C2orf80: variants seen among roughly 807,000 people sequenced by gnomAD.
The protein encoded by C2orf80 is uncharacterized protein C2orf80.
A neutral mutation model predicts 30.2 loss-of-function variants in C2orf80; 28 were observed. The observed-to-expected ratio is 0.93, with a 90% confidence interval of 0.69 to 1.27. The LOEUF is 1.27. Ranked by LOEUF, C2orf80 falls within the 50% of genes most tolerant of loss-of-function variation. The pLI is 0.00. For missense variants in C2orf80, 220 were observed against 231.0 expected (o/e 0.95, Z 0.31); for synonymous variants, 80 against 76.4 (o/e 1.05, Z -0.24).
At chr2:208,177,655 T>C (rs1430423295) in intron 6 of C2orf80, among the ~76,000 whole-genome samples, 2 of 152,136 alleles carry the variant, frequency 1.3e-5, no homozygotes, top group Admixed American at 1.3e-4. Context: ...CTGGTTATTG[T>C]CACTGATTGT....
chr2:208,169,638 G>A (rs1432803626), intron 8 of C2orf80, among the ~76,000 whole-genome samples: 2 of 150,654 alleles, frequency 1.3e-5, no homozygotes, highest in Non-Finnish European at 2.9e-5. Context: ...GCTTGAACTC[G>A]GGAAGTGGAG....
intron 8 of C2orf80, among the ~76,000 whole-genome samples, chr2:208,170,489 A>G (rs890866980): frequency 6.6e-6 from 1 of 152,192 alleles, no homozygotes; most frequent in Admixed American, 6.5e-5. Flanking sequence ...AAAGAAAATT[A>G]TTATTGCTGA....
intron 1 of C2orf80, among the ~76,000 whole-genome samples, chr2:208,187,580 T>C (rs1696754833): frequency 6.6e-6 from 1 of 152,054 alleles, no homozygotes; most frequent in African/African-American, 2.4e-5. Flanking sequence ...AACCAGAAAT[T>C]GAAGATCAGG....
chr2:208,179,716 T>A (rs1323152524), intron 6 of C2orf80, among the ~76,000 whole-genome samples: 1 of 145,396 alleles, frequency 6.9e-6, no homozygotes, highest in Non-Finnish European at 1.5e-5. Context: ...TTTTTTTTTT[T>A]AAGATCAGTC....
At chr2:208,167,117 A>G (rs12992165) in intron 8 of C2orf80, among the ~76,000 whole-genome samples, 25,528 of 152,228 alleles carry the variant, frequency 0.17, 2,677 homozygotes, top group Middle Eastern at 0.23. Flanking sequence ...TTCAAGAAGT[A>G]TGCTGTATTC....
At chr2:208,167,136 T>C (rs751607449) in intron 8 of C2orf80, among the ~76,000 whole-genome samples, 5 of 152,208 alleles carry the variant, frequency 3.3e-5, no homozygotes, top group Non-Finnish European at 5.9e-5. Context: ...TCTAGCTCTT[T>C]AGTATGGTCG....
At chr2:208,187,573 C>G (rs1441224208) in intron 1 of C2orf80, among the ~76,000 whole-genome samples, 4 of 152,030 alleles carry the variant, frequency 2.6e-5, no homozygotes, top group Non-Finnish European at 5.9e-5. Flanking sequence ...CACATTGAAC[C>G]AGAAATTGAA....
chr2:208,167,080 C>T (rs1045592076), intron 8 of C2orf80, among the ~76,000 whole-genome samples: 2 of 152,150 alleles, frequency 1.3e-5, no homozygotes, highest in African/African-American at 4.8e-5. Context: ...AGGTAACTCA[C>T]TCAAGTTATT....
At chr2:208,165,850 A>T in intron 8 of C2orf80, 35 bp from the exon 9 acceptor site, 1 of 1,469,090 alleles carries the variant, frequency 6.8e-7, no homozygotes, top group Non-Finnish European at 9.5e-7. Flanking sequence ...TATCAAGCAC[A>T]TCAATTTAAC....
chr2:208,180,718 C>T, intron 6 of C2orf80, 27 bp downstream of exon 6: 1 of 1,576,400 alleles, frequency 6.3e-7, no homozygotes, highest in Non-Finnish European at 8.7e-7. Flanking sequence ...AAAATCCCTT[C>T]TATTGACAAT....
intron 6 of C2orf80, among the ~76,000 whole-genome samples, chr2:208,180,206 T>C (rs375097116): frequency 6.6e-6 from 1 of 151,984 alleles, no homozygotes; most frequent in Non-Finnish European, 1.5e-5. Context: ...CTCCAGTATT[T>C]TAGGAGGCCA....
At chr2:208,177,548 AAAAC>A (rs369102250) in intron 6 of C2orf80, among the ~76,000 whole-genome samples, 93 of 152,192 alleles carry the variant, frequency 6.1e-4, no homozygotes, top group African/African-American at 2.1e-3. Context: ...TCTCAAGAAA[AAAAC>A]AAACAAACAA....
At chr2:208,171,962 A>G in intron 7 of C2orf80, 26 bp downstream of exon 7, 1 of 1,572,340 alleles carries the variant, frequency 6.4e-7, no homozygotes, top group Non-Finnish European at 8.8e-7. Context: ...ACATTCCTCT[A>G]AGCAGGTGAA....
At chr2:208,176,950 T>TACATATGTATACAG (rs1696347220) in intron 6 of C2orf80, among the ~76,000 whole-genome samples, 1 of 32,860 alleles carries the variant, frequency 3.0e-5, no homozygotes, top group East Asian at 2.2e-3. Flanking sequence ...TCTGTATACA[T>TACATATGTATACAG]ATCTGTATAC....
intron 5 of C2orf80, among the ~76,000 whole-genome samples, 164 bp from the exon 6 acceptor site, chr2:208,180,980 G>A (rs749694264): frequency 5.9e-5 from 9 of 152,110 alleles, no homozygotes; most frequent in Non-Finnish European, 1.0e-4. Context: ...CAGTTTTCCA[G>A]ATACCAATTA....
In C2orf80 at chr2:208,176,931, GTATACATATCTGTATACATATCTGTATAC is replaced by G. The variant is rs1559340342; in HGVS notation, c.366+3785_366+3813del. ...TGTGTATACATATCTGTATACATAT[GTATACATATCTGTATACATATCTGTATAC>G]ATATGTATACATATATACAGAAATG... On this transcript the variant is annotated intron_variant, in intron 6 of 8. Coordinates refer to ENST00000341287, the MANE Select transcript of C2orf80 (RefSeq NM_001099334.3). 6.0e-5 allele frequency among the ~76,000 whole-genome samples: 5 copies of G among 83,674 alleles called. 1 individual carries two copies. The highest frequency in any genetic ancestry group is 1.1e-4 in the Non-Finnish European group (4 of 37,206). 54.9% of individuals were successfully genotyped at this position (83,674 alleles called of 152,430 possible). A position where few individuals can be genotyped will look rare whatever the true frequency, so the allele number is the denominator to read the frequency against.
In C2orf80 at chr2:208,171,988, T is replaced by A. The variant is rs10804166; in HGVS notation, c.454A>T (p.Ser152Cys). 1 of 1,612,512 alleles carries A rather than the reference T, an allele frequency of 6.2e-7. No homozygotes were observed. Among genetic ancestry groups the A allele is most frequent in the East Asian group, 2.2e-5 (1 of 44,858 alleles). Residue 152 changes from serine to cysteine, a missense_variant and splice_region_variant, in exon 7 of 9, where the codon AGT becomes TGT. Coordinates refer to ENST00000341287, the MANE Select transcript of C2orf80 (RefSeq NM_001099334.3). ...AGCAGGTGAAAGTAACCAGGCTTAC[T>A]CTGTTTGCGGGCGTATGCTGCTGCT... ...PKAAAYARKQ[S>C]VKSRKVTTNK... is the part of the protein sequence containing the mutation.
rs1338464149 is a variant in C2orf80, at chr2:208,186,522, T to A, written c.41+424A>T. 2.6e-5 allele frequency among the ~76,000 whole-genome samples: 4 copies of A among 152,286 alleles called. 1 individual carries two copies. Among genetic ancestry groups the A allele is most frequent in the African/African-American group, 9.6e-5 (4 of 41,562 alleles). ...AGATGTAAAGAAAAAGGAGATGAAT[T>A]TCTTAGTTGATAAGGCTGACAATAA... On this transcript the variant is annotated intron_variant, in intron 2 of 8. Transcript: ENST00000341287.
At chr2:208,168,837 A>G (rs1252786593) in intron 8 of C2orf80, among the ~76,000 whole-genome samples, 4 of 137,924 alleles carry the variant, frequency 2.9e-5, no homozygotes, top group Non-Finnish European at 6.1e-5. Flanking sequence ...TTCTTTCGAC[A>G]CTCCTGGGCT....
Sources: allele counts gnomAD v4.1 joint callset (sites outside exome capture counted in the v4.1 genomes callset), GRCh38; gene constraint gnomAD v4.1.1; transcripts MANE v1.5; gene names NCBI Gene and HGNC (gene_info 2026-07-23, HGNC 2026-07-21).